ATP10B: variants seen among roughly 807,000 people sequenced by gnomAD.
ATP10B encodes phospholipid-transporting ATPase VB.
In ATP10B, 122 loss-of-function variants were observed where a neutral mutation model predicts 141.2. That is an observed-to-expected ratio of 0.86 (90% CI 0.75 to 1.00). The LOEUF (loss-of-function observed/expected upper bound fraction) is 1.00. Among genes scored for constraint, ATP10B ranks in the 50% least tolerant of loss-of-function variants. The pLI, the probability that ATP10B is intolerant of heterozygous loss-of-function variation, is 0.00. For synonymous variants in ATP10B, 685 were observed against 692.0 expected, an observed-to-expected ratio of 0.99 and a Z score of 0.16; for missense variants, 1,876 against 1,825.3, an observed-to-expected ratio of 1.03 and a Z score of -0.51.
At chr5:160,915,401 G>A in the ATP10B span, among the ~76,000 whole-genome samples, 2 of 150,658 alleles carry the variant, frequency 1.3e-5, no homozygotes, top group African/African-American at 2.4e-5. Flanking sequence ...GTGTGATCTC[G>A]GCTCACTGCA....
intron 1 of ATP10B, among the ~76,000 whole-genome samples, chr5:160,790,130 G>A (rs1240652472): frequency 6.6e-6 from 1 of 152,086 alleles, no homozygotes; most frequent in Non-Finnish European, 1.5e-5. Context: ...CCTTTGCCTA[G>A]TTCCACCCAG....
At chr5:160,822,907 A>G (rs1395425395) in intron 1 of ATP10B, among the ~76,000 whole-genome samples, 2 of 148,566 alleles carry the variant, frequency 1.3e-5, no homozygotes, top group Non-Finnish European at 3.0e-5. Context: ...GAGATGGCTA[A>G]TGGGTACAAA....
At chr5:160,621,121 C>G (rs1758325935) in intron 14 of ATP10B, among the ~76,000 whole-genome samples, 171 bp from the exon 15 acceptor site, 1 of 152,200 alleles carries the variant, frequency 6.6e-6, no homozygotes, top group Non-Finnish European at 1.5e-5. Flanking sequence ...TTTTGATCAT[C>G]CCACTGTGAG....
At chr5:160,700,807 C>T (rs1304746698) in intron 3 of ATP10B, among the ~76,000 whole-genome samples, 1 of 152,186 alleles carries the variant, frequency 6.6e-6, no homozygotes, top group Non-Finnish European at 1.5e-5. Flanking sequence ...AACATTGCCC[C>T]TTGGATGTCT....
At chr5:160,799,311 G>A (rs1411348199) in intron 1 of ATP10B, among the ~76,000 whole-genome samples, 11 of 152,104 alleles carry the variant, frequency 7.2e-5, no homozygotes, top group East Asian at 1.9e-4. Flanking sequence ...TGATTTAACC[G>A]TCTCCACCAT....
At chr5:160,796,769 T>C (rs1227292063) in intron 1 of ATP10B, among the ~76,000 whole-genome samples, 2 of 152,024 alleles carry the variant, frequency 1.3e-5, no homozygotes, top group East Asian at 1.9e-4. Context: ...ATCTTGAGAG[T>C]GGACTCCTCA....
chr5:160,922,452 A>G, the ATP10B span, among the ~76,000 whole-genome samples: 1 of 152,178 alleles, frequency 6.6e-6, no homozygotes, highest in Admixed American at 6.5e-5. Context: ...AAAGGAAGTA[A>G]AGAATGGAGG....
chr5:160,707,072 T>A (rs1765061058), intron 3 of ATP10B, among the ~76,000 whole-genome samples: 1 of 152,074 alleles, frequency 6.6e-6, no homozygotes, highest in Non-Finnish European at 1.5e-5. Flanking sequence ...CACCTCAGCC[T>A]CCCTAGTAGC....
At chr5:160,574,512 T>C (rs1663909177) in intron 24 of ATP10B, among the ~76,000 whole-genome samples, 1 of 152,180 alleles carries the variant, frequency 6.6e-6, no homozygotes, top group African/African-American at 2.4e-5. Context: ...CATGCCCATT[T>C]TGATATCAGT....
intron 1 of ATP10B, among the ~76,000 whole-genome samples, chr5:160,813,122 G>A (rs1490728689): frequency 6.6e-6 from 1 of 152,238 alleles, no homozygotes; most frequent in Non-Finnish European, 1.5e-5. Context: ...ACTGGGGAGT[G>A]TCAGAAAGTG....
Position 160,632,137 on chromosome 5 carries a change from T to A in ATP10B, c.1612A>T (p.Ser538Cys). 6.2e-7 allele frequency: 1 copy of A among 1,611,948 alleles called. No individual in the cohort carries two copies. Among genetic ancestry groups the A allele is most frequent in the South Asian group, 1.1e-5 (1 of 91,050 alleles). The change falls in exon 13 of 26, where the codon AGC becomes TGC. Residue 538 changes from serine (S) to cysteine (C), a missense_variant. Physicochemically the swap from Ser to Cys is moderately radical, Grantham distance 112 (BLOSUM62 -1). Transcript: ENST00000327245. The stretch of plus-strand genomic sequence containing the variant: ...CAAAAGTCAGGACTTACTATGGAGC[T>A]GCTGAAGGCCACAGGAGGCTGTGAG... ...ESSQPPVAFSSSIEKDVTPDK... is the reference protein window; with the variant it reads ...ESSQPPVAFSCSIEKDVTPDK...
chr5:160,572,708 AAG>A (rs1443301424), intron 24 of ATP10B, among the ~76,000 whole-genome samples: 1 of 152,230 alleles, frequency 6.6e-6, no homozygotes, highest in African/African-American at 2.4e-5. Context: ...TCTAATGATT[AAG>A]AGAGTCATAG....
At chr5:160,872,791 T>A in the ATP10B span, among the ~76,000 whole-genome samples, 5 of 152,200 alleles carry the variant, frequency 3.3e-5, no homozygotes, top group Non-Finnish European at 7.3e-5. Flanking sequence ...TAGAGTATAG[T>A]TTGATATCAG....
intron 24 of ATP10B, among the ~76,000 whole-genome samples, chr5:160,570,456 ATACTGCAGTCTAAACAAGCAAATG>A (rs1197114360): frequency 6.6e-6 from 1 of 152,218 alleles, no homozygotes; most frequent in Admixed American, 6.5e-5. Context: ...ACAAGCAAAT[ATACTGCAGTCTAAACAAGCAAATG>A]TACTGCAGTC....
At chr5:160,766,975 T>A (rs1769492260) in intron 2 of ATP10B, among the ~76,000 whole-genome samples, 1 of 152,120 alleles carries the variant, frequency 6.6e-6, no homozygotes, top group South Asian at 2.1e-4. Flanking sequence ...TTTTCAAGCT[T>A]GGTGGAGAAG....
chr5:160,598,626 G>C (rs1756894880), intron 22 of ATP10B, 144 bp downstream of exon 22: 1 of 742,030 alleles, frequency 1.3e-6, no homozygotes, highest in Non-Finnish European at 2.3e-6. Flanking sequence ...GGAGAGAGGA[G>C]TTACTCAAAG....
At chr5:160,884,724 A>G in the ATP10B span, among the ~76,000 whole-genome samples, 1 of 152,206 alleles carries the variant, frequency 6.6e-6, no homozygotes, top group Non-Finnish European at 1.5e-5. Context: ...AATTTAAGTG[A>G]AAAGTTAATT....
the ATP10B span, among the ~76,000 whole-genome samples, chr5:160,923,537 A>G: frequency 6.6e-6 from 1 of 152,242 alleles, no homozygotes. Flanking sequence ...TGACCAAAAT[A>G]AATGCAGTAT....
chr5:160,577,879 T>C (rs1416594052), intron 24 of ATP10B, among the ~76,000 whole-genome samples: 1 of 152,172 alleles, frequency 6.6e-6, no homozygotes, highest in Non-Finnish European at 1.5e-5. Flanking sequence ...GAAAAAATGT[T>C]ATCTGTTTTG....
Sources: allele counts gnomAD v4.1 joint callset (sites outside exome capture counted in the v4.1 genomes callset), GRCh38; gene constraint gnomAD v4.1.1; transcripts MANE v1.5; gene names NCBI Gene and HGNC (gene_info 2026-07-23, HGNC 2026-07-21).